Variants in CA10 observed in about 807,000 individuals in gnomAD.
The protein encoded by CA10 is carbonic anhydrase 10 (inactive).
Under a neutral mutation model 44.2 loss-of-function variants are expected in CA10, and 14 were observed. That is an observed-to-expected ratio of 0.32 (90% CI 0.21 to 0.50). The LOEUF (loss-of-function observed/expected upper bound fraction) is 0.50. Among genes scored for constraint, CA10 ranks in the 20% least tolerant of loss-of-function variants. The probability of loss-of-function intolerance (pLI) is 0.99; values close to 1 mark genes in which losing one functional copy is unlikely to be tolerated. For synonymous variants in CA10, 159 were observed against 141.6 expected (o/e 1.12, Z -0.87); for missense variants, 350 against 409.7 (o/e 0.85, Z 1.26).
At chr17:52,045,528 C>A (rs1437842534) in intron 2 of CA10, among the ~76,000 whole-genome samples, 1 of 151,696 alleles carries the variant, frequency 6.6e-6, no homozygotes. Flanking sequence ...GACATTAATA[C>A]CACAGAGCCA....
chr17:51,692,877 C>G (rs1231076057), intron 4 of CA10, among the ~76,000 whole-genome samples: 1 of 152,174 alleles, frequency 6.6e-6, no homozygotes, highest in Non-Finnish European at 1.5e-5. Context: ...TTTTGAGCAG[C>G]CATCACTGGT....
intron 3 of CA10, among the ~76,000 whole-genome samples, chr17:51,856,817 G>T (rs1029140833): frequency 6.6e-6 from 1 of 152,184 alleles, no homozygotes; most frequent in Non-Finnish European, 1.5e-5. Context: ...GCTCCAAAGC[G>T]GGGGAGGTCA....
intron 2 of CA10, among the ~76,000 whole-genome samples, chr17:52,065,157 G>A (rs906366565): frequency 3.3e-5 from 5 of 152,074 alleles, no homozygotes; most frequent in Admixed American, 2.0e-4. Context: ...TTAAACAGCT[G>A]GTCTAAGATG....
chr17:51,639,832 A>G (rs1313463593), intron 6 of CA10, among the ~76,000 whole-genome samples: 2 of 152,172 alleles, frequency 1.3e-5, no homozygotes, highest in Non-Finnish European at 2.9e-5. Flanking sequence ...ACCCACAGGT[A>G]ACCCTCTGAG....
intron 3 of CA10, among the ~76,000 whole-genome samples, chr17:51,870,999 TTC>T (rs1281041090): frequency 6.6e-6 from 1 of 151,942 alleles, no homozygotes; most frequent in African/African-American, 2.4e-5. Context: ...TAGAGATTTC[TTC>T]TCTTTTTCCA....
intron 2 of CA10, among the ~76,000 whole-genome samples, chr17:52,046,002 G>A (rs1047764539): frequency 6.6e-6 from 1 of 151,894 alleles, no homozygotes; most frequent in Non-Finnish European, 1.5e-5. Flanking sequence ...AAAAATTACA[G>A]AGAAATAAGA....
intron 2 of CA10, among the ~76,000 whole-genome samples, chr17:52,031,188 C>T (rs952396121): frequency 8.7e-5 from 13 of 148,978 alleles, no homozygotes; most frequent in African/African-American, 2.2e-4. Flanking sequence ...GTCTCACTCT[C>T]GTGCAGGCTG....
chr17:51,867,278 A>G (rs1384176769), intron 3 of CA10, among the ~76,000 whole-genome samples: 3 of 152,212 alleles, frequency 2.0e-5, no homozygotes, highest in African/African-American at 7.2e-5. Flanking sequence ...AGGAAAAAGC[A>G]TGATTTTCAA....
intron 2 of CA10, among the ~76,000 whole-genome samples, chr17:51,966,908 A>G (rs1984099683): frequency 6.6e-6 from 1 of 151,764 alleles, no homozygotes; most frequent in Non-Finnish European, 1.5e-5. Flanking sequence ...GAAAGAAACT[A>G]TCAACAGACC....
chr17:51,711,470 A>T (rs1915941635), intron 4 of CA10, among the ~76,000 whole-genome samples: 1 of 152,232 alleles, frequency 6.6e-6, no homozygotes, highest in Admixed American at 6.5e-5. Context: ...AATCTGAATG[A>T]GTGAAAACAT....
At chr17:52,055,346 G>A (rs1567717722) in intron 2 of CA10, among the ~76,000 whole-genome samples, 4 of 122,792 alleles carry the variant, frequency 3.3e-5, no homozygotes, top group African/African-American at 8.9e-5. Context: ...TCCTTCTGGT[G>A]AAAAAAAAAA....
At chr17:51,812,559 TGAA>T (rs1295351282) in intron 3 of CA10, among the ~76,000 whole-genome samples, 1 of 152,248 alleles carries the variant, frequency 6.6e-6, no homozygotes, top group Non-Finnish European at 1.5e-5. Flanking sequence ...GTTGAGGCCT[TGAA>T]GAAGATATTG....
intron 5 of CA10, among the ~76,000 whole-genome samples, chr17:51,652,234 G>C (rs1165983129): frequency 1.3e-5 from 2 of 152,174 alleles, no homozygotes; most frequent in African/African-American, 4.8e-5. Flanking sequence ...TTACTCATCT[G>C]TAAGATACAA....
intron 4 of CA10, among the ~76,000 whole-genome samples, chr17:51,671,559 C>G (rs1597975874): frequency 6.6e-6 from 1 of 152,138 alleles, no homozygotes; most frequent in African/African-American, 2.4e-5. Flanking sequence ...TGCCCGCCAC[C>G]ACGCCTGGCT....
At chr17:52,096,882 T>G (rs936079783) in intron 1 of CA10, among the ~76,000 whole-genome samples, 45 of 152,228 alleles carry the variant, frequency 3.0e-4, no homozygotes, top group Admixed American at 2.9e-3. Context: ...CTATCCTTTG[T>G]AACTTGCTTT....
At chr17:51,891,519 T>C (rs1467388608) in intron 3 of CA10, among the ~76,000 whole-genome samples, 1 of 152,182 alleles carries the variant, frequency 6.6e-6, no homozygotes, top group Non-Finnish European at 1.5e-5. Flanking sequence ...GGAAAGAAGG[T>C]TGAGACCAGA....
intron 2 of CA10, among the ~76,000 whole-genome samples, chr17:51,956,333 A>G (rs1320131358): frequency 6.6e-6 from 1 of 152,186 alleles, no homozygotes; most frequent in African/African-American, 2.4e-5. Flanking sequence ...ACATGTATGT[A>G]TCCCAGAAGT....
At chr17:51,767,119 C>A (rs986853498) in intron 3 of CA10, among the ~76,000 whole-genome samples, 2 of 152,176 alleles carry the variant, frequency 1.3e-5, no homozygotes, top group African/African-American at 2.4e-5. Context: ...TAAATGTTCT[C>A]TCATTTGATC....
At chr17:51,809,276 A>G (rs4496207) in intron 3 of CA10, among the ~76,000 whole-genome samples, 30,662 of 152,174 alleles carry the variant, frequency 0.2, 3,693 homozygotes, top group Middle Eastern at 0.35. Context: ...TATTCCACAG[A>G]CATTTCTAAA....
Sources: gnomAD v4.1 joint callset for allele counts (sites outside exome capture counted in the v4.1 genomes callset) on GRCh38, gnomAD v4.1.1 for gene constraint, MANE v1.5 for transcripts, NCBI Gene and HGNC (gene_info 2026-07-23, HGNC 2026-07-21) for gene names.